Variants in CADM1 observed in about 807,000 individuals in gnomAD.
The protein encoded by CADM1 is cell adhesion molecule 1, also known as TSLC-1.
Under a neutral mutation model 53.1 loss-of-function variants are expected in CADM1, and 15 were observed. The ratio of observed to expected loss-of-function variants is 0.28; its 90% CI spans 0.19 to 0.44. The LOEUF (loss-of-function observed/expected upper bound fraction) is 0.44, where lower values mean the gene tolerates loss of function less well. Ranked by LOEUF, CADM1 falls within the 20% of genes least tolerant of loss-of-function variation. The pLI is 1.00. For missense variants in CADM1, 434 were observed against 611.3 expected, an observed-to-expected ratio of 0.71 and a Z score of 3.06; for synonymous variants, 281 against 243.0, an observed-to-expected ratio of 1.16 and a Z score of -1.45.
rs1299873877 is a variant in CADM1, at chr11:115,449,647, A to G, written c.124+54624T>C. On this transcript the variant is annotated intron_variant, in intron 1 of 11. Transcript: ENST00000331581. ...GTCAGTTTTTCAAATTTGCATTCTT[A>G]AAAGTTGCATCTACTGCTTTAGAAG... Among the ~76,000 whole-genome samples, 8 of 152,328 alleles carry G rather than the reference A, an allele frequency of 5.3e-5. No individual in the cohort carries two copies. The East Asian group carries it at 1.5e-3, about 29-fold the overall frequency.
chr11:115,302,255 A>G (rs1438194593), intron 1 of CADM1, among the ~76,000 whole-genome samples: 1 of 152,064 alleles, frequency 6.6e-6, no homozygotes, highest in Non-Finnish European at 1.5e-5. Context: ...CCCCCTTTAC[A>G]CAAGTCTTCC....
chr11:115,235,506 C>A (rs1463428762), intron 3 of CADM1, among the ~76,000 whole-genome samples: 5 of 152,018 alleles, frequency 3.3e-5, no homozygotes, highest in Non-Finnish European at 7.4e-5. Flanking sequence ...TAGATGAAAA[C>A]CTGAATGAAA....
intron 1 of CADM1, among the ~76,000 whole-genome samples, chr11:115,424,204 C>T (rs1163653352): frequency 3.3e-5 from 5 of 152,238 alleles, no homozygotes; most frequent in Admixed American, 1.3e-4. Flanking sequence ...ATCTGCTACA[C>T]ATAAACACAT....
chr11:115,234,171 G>C (rs192811836), intron 3 of CADM1, among the ~76,000 whole-genome samples: 1 of 152,192 alleles, frequency 6.6e-6, no homozygotes, highest in Admixed American at 6.5e-5. Flanking sequence ...CCTTGTCTCT[G>C]TTTACCCCAA....
chr11:115,416,674 T>C (rs1465045728), intron 1 of CADM1, among the ~76,000 whole-genome samples: 2 of 149,914 alleles, frequency 1.3e-5, no homozygotes, highest in East Asian at 1.9e-4. Context: ...ACCCCCTTCA[T>C]GCTGGTCAGT....
At chr11:115,191,709 T>C (rs1050289819) in intron 9 of CADM1, among the ~76,000 whole-genome samples, 7 of 149,994 alleles carry the variant, frequency 4.7e-5, no homozygotes, top group Non-Finnish European at 8.9e-5. Context: ...AGATAGGAGA[T>C]GGTTTCCATT....
intron 1 of CADM1, among the ~76,000 whole-genome samples, chr11:115,375,634 C>G (rs1591759494): frequency 6.6e-6 from 1 of 151,944 alleles, no homozygotes; most frequent in South Asian, 2.1e-4. Flanking sequence ...TGGACATTAA[C>G]CAAATGGAAT....
chr11:115,260,089 A>AT (rs973761495), intron 1 of CADM1, among the ~76,000 whole-genome samples: 1 of 151,698 alleles, frequency 6.6e-6, no homozygotes, highest in African/African-American at 2.4e-5. Context: ...ACCATGCCTA[A>AT]TTTTTTTACT....
intron 1 of CADM1, among the ~76,000 whole-genome samples, chr11:115,501,266 T>C (rs1022564969): frequency 1.3e-5 from 2 of 152,180 alleles, no homozygotes; most frequent in Admixed American, 1.3e-4. Context: ...TGCAAGTCCC[T>C]ACTGCGGCTA....
chr11:115,351,512 G>A (rs944259342), intron 1 of CADM1, among the ~76,000 whole-genome samples: 2 of 152,134 alleles, frequency 1.3e-5, no homozygotes, highest in Non-Finnish European at 2.9e-5. Flanking sequence ...TGATCTAAGA[G>A]CCCAACATCA....
chr11:115,317,983 T>TAC (rs35753948), intron 1 of CADM1, among the ~76,000 whole-genome samples: 7,893 of 149,120 alleles, frequency 0.053, 610 homozygotes, highest in African/African-American at 0.17. Flanking sequence ...TATTACACAC[T>TAC]ACACACACAC....
At chr11:115,295,513 T>C (rs2135120760) in intron 1 of CADM1, among the ~76,000 whole-genome samples, 1 of 38,624 alleles carries the variant, frequency 2.6e-5, no homozygotes, top group Non-Finnish European at 4.1e-5. Context: ...ATTTTATATA[T>C]ATATATATAT....
At chr11:115,447,561 C>T (rs1375991819) in intron 1 of CADM1, among the ~76,000 whole-genome samples, 1 of 152,130 alleles carries the variant, frequency 6.6e-6, no homozygotes, top group Non-Finnish European at 1.5e-5. Context: ...GTAGATGGTG[C>T]TGGAGGCACT....
intron 1 of CADM1, chr11:115,240,965 T>A (rs961857850): frequency 6.4e-6 from 1 of 157,266 alleles, no homozygotes; most frequent in Non-Finnish European, 1.4e-5. Context: ...GGGATCTCGA[T>A]GAAATCCTGG....
intron 1 of CADM1, among the ~76,000 whole-genome samples, chr11:115,466,517 T>C (rs1948901513): frequency 6.6e-6 from 1 of 152,228 alleles, no homozygotes; most frequent in Non-Finnish European, 1.5e-5. Context: ...GGCTAAGGTT[T>C]TTCAGGAAAG....
chr11:115,294,496 G>A (rs1345939308), intron 1 of CADM1, among the ~76,000 whole-genome samples: 1 of 152,080 alleles, frequency 6.6e-6, no homozygotes, highest in Non-Finnish European at 1.5e-5. Flanking sequence ...TCCCACCTCA[G>A]CACTCTCCCT....
At chr11:115,261,009 T>C (rs1177848713) in intron 1 of CADM1, among the ~76,000 whole-genome samples, 2 of 152,052 alleles carry the variant, frequency 1.3e-5, no homozygotes, top group Non-Finnish European at 2.9e-5. Context: ...CTTTGGTAGG[T>C]ACCTTTTTGG....
intron 1 of CADM1, among the ~76,000 whole-genome samples, chr11:115,495,046 G>A (rs183498416): frequency 8.5e-5 from 13 of 152,244 alleles, no homozygotes; most frequent in South Asian, 6.2e-4. Flanking sequence ...AGATATGTAC[G>A]TACAAGGAAA....
intron 9 of CADM1, among the ~76,000 whole-genome samples, chr11:115,195,482 A>G (rs1940101264): frequency 1.3e-5 from 2 of 152,234 alleles, no homozygotes; most frequent in African/African-American, 4.8e-5. Context: ...TTTAAGACCA[A>G]ATAAGATGCC....
Sources: allele counts gnomAD v4.1 joint callset (sites outside exome capture counted in the v4.1 genomes callset), GRCh38; gene constraint gnomAD v4.1.1; transcripts MANE v1.5; gene names NCBI Gene and HGNC (gene_info 2026-07-23, HGNC 2026-07-21).